The following ULBP1 variants were observed in gnomAD, a reference collection of about 807,000 sequenced individuals.
The protein encoded by ULBP1 is UL16-binding protein 1.
In ULBP1, 28 loss-of-function variants were observed where a neutral mutation model predicts 25.3. The observed-to-expected ratio is 1.10, with a 90% CI of 0.82 to 1.51. ULBP1 has a LOEUF of 1.51. Ranked by LOEUF, ULBP1 falls within the 40% of genes most tolerant of loss-of-function variation. The pLI, the probability that ULBP1 is intolerant of heterozygous loss-of-function variation, is 0.00. For synonymous variants in ULBP1, 129 were observed against 103.0 expected (o/e 1.25, Z -1.53); for missense variants, 348 against 290.9 (o/e 1.20, Z -1.43).
chr6:149,969,167 T>A lies in ULBP1; in HGVS notation c.432T>A (p.Asn144Lys). The part of the protein sequence containing the change: ...HGRGSWQFLF[N>K]GQKFLLFDSN... The stretch of plus-strand genomic sequence containing the variant: ...GAGGATCTTGGCAGTTCCTCTTCAA[T>A]GGACAGAAGTTCCTCCTCTTTGACT... The change falls in exon 3 of 5, where the codon AAT becomes AAA. Residue 144 changes from asparagine to lysine, a missense_variant. By Grantham distance (94) the Asn-to-Lys change is moderately conservative. Coordinates refer to ENST00000229708, the MANE Select transcript of ULBP1 (RefSeq NM_025218.4). 6.2e-7 allele frequency: 1 copy of A among 1,614,242 alleles called. No individual in the cohort carries two copies. The highest frequency in any genetic ancestry group is 8.5e-7 in the Non-Finnish European group (1 of 1,180,050).
At chr6:149,968,273 G>C (rs1016496708) in intron 1 of ULBP1, among the ~76,000 whole-genome samples, 2 of 152,198 alleles carry the variant, frequency 1.3e-5, no homozygotes, top group Admixed American at 6.5e-5. Flanking sequence ...GGCTGCTGCT[G>C]AGGGTCCTCC....
In ULBP1 at chr6:149,972,604, T is replaced by G. The variant is rs1377306713; in HGVS notation, c.*1258T>G. On this transcript the variant is annotated 3_prime_UTR_variant, in exon 5 of 5. Coordinates refer to ENST00000229708, the MANE Select transcript of ULBP1 (RefSeq NM_025218.4). ...AATGGGGAAAACTATTTGCAAACTC[T>G]GCATCTGATGAAGGTCCAATATCCA... 6.6e-6 allele frequency: 1 copy of G among 152,208 alleles called. No individual in the cohort carries two copies. Among genetic ancestry groups the G allele is most frequent in the Non-Finnish European group, 1.5e-5 (1 of 68,032 alleles). The allele number at this position is 152,208 out of a possible 1,614,324, so 9.4% of individuals were successfully genotyped here.
intron 3 of ULBP1, among the ~76,000 whole-genome samples, chr6:149,969,594 C>T (rs978309266): frequency 2.6e-5 from 4 of 152,176 alleles, no homozygotes; most frequent in Admixed American, 1.3e-4. Context: ...CATTTCTCAC[C>T]AGCCTCAAAT....
rs1779285065 is a variant in ULBP1, at chr6:149,970,013, C to T, written c.626-3C>T. On this transcript the variant is annotated splice_region_variant and splice_polypyrimidine_tract_variant and intron_variant, in intron 3 of 4. Transcript: ENST00000229708. The stretch of plus-strand genomic sequence containing the variant: ...GGTTGTCACTCCTGTGTTTCCATTT[C>T]AGAACCACCCTCTCTGGCCCCAGGC... 1 of 1,610,110 alleles carries T rather than the reference C, an allele frequency of 6.2e-7. No homozygotes were observed. Among genetic ancestry groups the T allele is most frequent in the East Asian group, 2.2e-5 (1 of 44,828 alleles).
chr6:149,967,692 T>C (rs1779227553), intron 1 of ULBP1, among the ~76,000 whole-genome samples: 1 of 152,204 alleles, frequency 6.6e-6, no homozygotes, highest in African/African-American at 2.4e-5. Context: ...ACTTCTTTAA[T>C]TATTTACATC....
rs4388299 is a variant in ULBP1, at chr6:149,972,494, G to A, written c.*1148G>A. 697 of 152,194 alleles carry A rather than the reference G, an allele frequency of 4.6e-3. 7 individuals are homozygous for A. Among genetic ancestry groups the A allele is most frequent in the African/African-American group, 0.016 (682 of 41,530 alleles). 9.4% of individuals were successfully genotyped at this position (152,194 alleles called of 1,614,324 possible). A position where few individuals can be genotyped will look rare whatever the true frequency, so the allele number is the denominator to read the frequency against. ...ACTAAAAACAATTGCAACAAAAACA[G>A]AAATTGACAAATGGGGCCTCATTAA... On this transcript the variant is annotated 3_prime_UTR_variant, in exon 5 of 5. Coordinates refer to ENST00000229708, the MANE Select transcript of ULBP1 (RefSeq NM_025218.4).
intron 1 of ULBP1, 134 bp from the exon 2 acceptor site, chr6:149,968,473 C>A: frequency 8.2e-7 from 1 of 1,220,288 alleles, no homozygotes; most frequent in Non-Finnish European, 1.1e-6. Context: ...TCATGACAGT[C>A]CTGGCTGGGG....
rs191691608 is a variant in ULBP1 at position 149,969,235 on chromosome 6, A to T, written c.500A>T (p.Lys167Met). Residue 167 changes from lysine (K) to methionine (M), a missense_variant, in exon 3 of 5, where the codon AAG becomes ATG. Coordinates refer to ENST00000229708, the MANE Select transcript of ULBP1 (RefSeq NM_025218.4). ...KWTALHPGAKKMTEKWEKNRD... is the reference protein window; with the variant it reads ...KWTALHPGAKMMTEKWEKNRD... ...ACAGCACTTCATCCTGGAGCCAAGA[A>T]GATGACAGAGAAGTGGGAGAAGAAC... 895 of 1,614,256 alleles carry T rather than the reference A, an allele frequency of 5.5e-4. 7 individuals carry two copies. In the East Asian group the frequency reaches 0.017, roughly 31 times the overall value.
At chr6:149,968,986 C>T (rs1413601584) in intron 2 of ULBP1, 99 bp from the exon 3 acceptor site, 61 of 1,555,456 alleles carry the variant, frequency 3.9e-5, no homozygotes, top group Non-Finnish European at 5.0e-5. Context: ...GAGCATGGGC[C>T]GGATGCAGCA....
intron 1 of ULBP1, among the ~76,000 whole-genome samples, chr6:149,967,476 G>A (rs181015203): frequency 6.3e-4 from 96 of 152,352 alleles, no homozygotes; most frequent in Middle Eastern, 3.4e-3. Context: ...AGTTCTCAAA[G>A]CTGGGCAAAG....
At chr6:149,966,637 G>A (rs1779209594) in intron 1 of ULBP1, among the ~76,000 whole-genome samples, 1 of 152,124 alleles carries the variant, frequency 6.6e-6, no homozygotes, top group South Asian at 2.1e-4. Flanking sequence ...CATCCCAGGA[G>A]ACCCACCTGT....
chr6:149,964,860 C>T (rs2114705031), intron 1 of ULBP1, among the ~76,000 whole-genome samples: 1 of 144,024 alleles, frequency 6.9e-6, no homozygotes, highest in Non-Finnish European at 1.5e-5. Context: ...TCTCCCCGAA[C>T]ATCGCGGTCC....
At chr6:149,969,393 C>G in intron 3 of ULBP1, 33 bp downstream of exon 3, 2 of 1,602,442 alleles carry the variant, frequency 1.2e-6, no homozygotes, top group South Asian at 1.1e-5. Context: ...GAAGCTGTCT[C>G]GAGTTCAGAT....
At chr6:149,967,466 A>C (rs957344431) in intron 1 of ULBP1, among the ~76,000 whole-genome samples, 4 of 152,216 alleles carry the variant, frequency 2.6e-5, no homozygotes, top group African/African-American at 9.7e-5. Context: ...GATGTGGCTC[A>C]GTTCTCAAAG....
chr6:149,966,308 G>A (rs1779203907), intron 1 of ULBP1, among the ~76,000 whole-genome samples: 1 of 152,090 alleles, frequency 6.6e-6, no homozygotes, highest in Non-Finnish European at 1.5e-5. Context: ...CACATGCTGT[G>A]TCCTGGCAAT....
chr6:149,966,905 C>G (rs1221440429), intron 1 of ULBP1, among the ~76,000 whole-genome samples: 2 of 152,186 alleles, frequency 1.3e-5, no homozygotes, highest in African/African-American at 4.8e-5. Context: ...CACATAGCAC[C>G]TTTTCCAACC....
chr6:149,966,333 C>T (rs1401583527), intron 1 of ULBP1, among the ~76,000 whole-genome samples: 1 of 151,970 alleles, frequency 6.6e-6, no homozygotes, highest in Non-Finnish European at 1.5e-5. Flanking sequence ...GCCCCATCCC[C>T]TAGGGTGTCA....
At chr6:149,970,416 G>A (rs183096301) in intron 4 of ULBP1, among the ~76,000 whole-genome samples, 203 of 152,354 alleles carry the variant, frequency 1.3e-3, no homozygotes, top group African/African-American at 4.5e-3. Context: ...ACCAATTCAG[G>A]CCTGTTTCAG....
chr6:149,968,501 G>C, intron 1 of ULBP1, 106 bp from the exon 2 acceptor site: 1 of 1,457,992 alleles, frequency 6.9e-7, no homozygotes. Flanking sequence ...TGGTCTGCCA[G>C]CCCAGCCCCT....
Sources: gnomAD v4.1 joint callset for allele counts (sites outside exome capture counted in the v4.1 genomes callset) on GRCh38, gnomAD v4.1.1 for gene constraint, MANE v1.5 for transcripts, NCBI Gene and HGNC (gene_info 2026-07-23, HGNC 2026-07-21) for gene names.